RPS6KA2: variants seen among roughly 807,000 people sequenced by gnomAD.
RPS6KA2 encodes ribosomal protein S6 kinase A2.
A neutral mutation model predicts 91.8 loss-of-function variants in RPS6KA2; 42 were observed. That is an observed-to-expected ratio of 0.46 (90% confidence interval 0.36 to 0.59). The LOEUF is 0.59. Among genes scored for constraint, RPS6KA2 ranks in the 20% least tolerant of loss-of-function variants. The pLI is 0.00. For synonymous variants in RPS6KA2, 414 were observed against 393.6 expected (o/e 1.05, Z -0.61); for missense variants, 798 against 978.5 (o/e 0.82, Z 2.46).
At position 166,715,866 on chromosome 6, in the gene RPS6KA2, C is replaced by T. The variant is rs533421666; in HGVS notation, c.123+142334G>A. 2.6e-4 allele frequency among the ~76,000 whole-genome samples: 40 copies of T among 151,900 alleles called. 1 individual carries two copies. The highest frequency in any genetic ancestry group is 8.7e-4 in the African/African-American group (36 of 41,468). ...CAGCCCGGGCAACATGGTGAAACCCCGTCTCTACTAAAAATACAAAAATTA... is the reference window on the plus strand; with the variant it reads ...CAGCCCGGGCAACATGGTGAAACCCTGTCTCTACTAAAAATACAAAAATTA... On this transcript the variant is annotated intron_variant, in intron 2 of 21. Coordinates refer to the RPS6KA2 transcript ENST00000503859.
intron 11 of RPS6KA2, among the ~76,000 whole-genome samples, chr6:166,460,422 G>C (rs181544438): frequency 6.6e-6 from 1 of 152,232 alleles, no homozygotes; most frequent in African/African-American, 2.4e-5. Flanking sequence ...CCTCAGGCGG[G>C]TGATGCTGCA....
rs142410847 is a variant in RPS6KA2 at position 166,524,873 on chromosome 6, G to A, written c.298+6359C>T. On this transcript the variant is annotated intron_variant, in intron 3 of 20. Transcript: ENST00000265678. ...GAGCTGGACTCAGCTCCAGGGTCTG[G>A]ACTTGGTGTTCCTGGCCCCTGTATC... 1.8e-3 allele frequency among the ~76,000 whole-genome samples: 275 copies of A among 152,330 alleles called. 1 individual carries two copies. Among genetic ancestry groups the A allele is most frequent in the Middle Eastern group, 3.4e-3 (1 of 294 alleles).
At chr6:166,701,155 A>C in intron 2 of RPS6KA2, 2 of 1,612,042 alleles carry the variant, frequency 1.2e-6, no homozygotes, top group Non-Finnish European at 1.7e-6. Context: ...CTGCTGCTTT[A>C]CCTGAGTCAG....
intron 1 of RPS6KA2, among the ~76,000 whole-genome samples, chr6:166,598,089 A>T (rs751148379): frequency 6.6e-6 from 1 of 152,270 alleles, no homozygotes; most frequent in East Asian, 1.9e-4. Flanking sequence ...CCTGATGACC[A>T]TAATTGTTGC....
Position 166,413,832 on chromosome 6 carries a change from G to A in RPS6KA2, c.2038C>T (p.Pro680Ser). The A allele has an allele frequency of 6.2e-7, 1 of 1,614,196 alleles. No individual in the cohort carries two copies. The highest frequency in any genetic ancestry group is 8.5e-7 in the Non-Finnish European group (1 of 1,180,028). ...PWVVNREYLS[P>S]NQLSRQDVHL... ...ACGTCCTGTCGGCTGAGCTGGTTTG[G>A]GGACAGGTACTCTCTGTTGACCACC... Residue 680 changes from proline to serine, a missense_variant, in exon 20 of 21, where the codon CCA (proline) becomes TCA (serine). By Grantham distance (74) the Pro-to-Ser change is moderately conservative (BLOSUM62 -1). Transcript: ENST00000265678.
intron 1 of RPS6KA2, among the ~76,000 whole-genome samples, chr6:166,574,536 C>T (rs1784786272): frequency 6.6e-6 from 1 of 152,220 alleles, no homozygotes; most frequent in African/African-American, 2.4e-5. Context: ...ATATGTACCA[C>T]ATTTTCTTTG....
At chr6:166,629,010 G>T (rs2128544833), upstream of RPS6KA2, among the ~76,000 whole-genome samples, 1 of 152,330 alleles carries the variant, frequency 6.6e-6, no homozygotes, top group East Asian at 1.9e-4. Context: ...AGGTTCTGCT[G>T]GGAGGGTAGT....
chr6:166,437,063 A>G lies in RPS6KA2; in HGVS notation c.1333-4573T>C, dbSNP rs1220326538. ...TTTTTGCTTTTGTTTTTATTTTTGC[A>G]TGGAGGGTGAGCTATTTGAGCAAGG... On this transcript the variant is annotated intron_variant, in intron 14 of 20. Coordinates refer to ENST00000265678, the MANE Select transcript of RPS6KA2 (RefSeq NM_021135.6). This position sits in a 1 kb window ranked among gnomAD's most constrained non-coding sequence, Gnocchi z 4.3. Among the ~76,000 whole-genome samples, 4 of 150,456 alleles carry G rather than the reference A, an allele frequency of 2.7e-5. No individual in the cohort carries two copies. The highest frequency in any genetic ancestry group is 7.4e-5 in the African/African-American group (3 of 40,732).
intron 2 of RPS6KA2, among the ~76,000 whole-genome samples, chr6:166,642,529 T>G (rs1328242489): frequency 6.6e-6 from 1 of 152,256 alleles, no homozygotes; most frequent in East Asian, 1.9e-4. Context: ...TAAAACCTTC[T>G]AATGTTTTCA....
chr6:166,612,823 C>T lies in RPS6KA2; in HGVS notation c.99+14098G>A, dbSNP rs1279652278. On this transcript the variant is annotated intron_variant, in intron 1 of 20. Transcript: ENST00000265678. The surrounding 1 kb of genome is among the most constrained non-coding windows in gnomAD (Gnocchi z 4.3). ...AGCCTCTCTCTCTCCATGCCCTTGA[C>T]CTGTCCTCCTCCCTCTGGCCCTGCG... Among the ~76,000 whole-genome samples the T allele has an allele frequency of 6.6e-6, 1 of 152,186 alleles. No individual in the cohort carries two copies. Among genetic ancestry groups the T allele is most frequent in the African/African-American group, 2.4e-5 (1 of 41,446 alleles).
chr6:166,595,408 A>C (rs146752023), intron 1 of RPS6KA2, among the ~76,000 whole-genome samples: 3 of 152,222 alleles, frequency 2.0e-5, no homozygotes, highest in African/African-American at 7.2e-5. Context: ...ATGCTATTTC[A>C]TAATTCCCAA....
intron 1 of RPS6KA2, among the ~76,000 whole-genome samples, chr6:166,592,961 G>A (rs1416876693): frequency 6.6e-6 from 1 of 152,188 alleles, no homozygotes; most frequent in Non-Finnish European, 1.5e-5. Flanking sequence ...ATCAAGCTGA[G>A]ACAGTTCTCA....
chr6:166,686,780 C>G (rs564381748), intron 2 of RPS6KA2, among the ~76,000 whole-genome samples: 2 of 152,304 alleles, frequency 1.3e-5, no homozygotes, highest in South Asian at 4.1e-4. Context: ...GTTTCCTGCA[C>G]CAAGCCGAGA....
At chr6:166,581,194 G>A (rs1784997830) in intron 1 of RPS6KA2, among the ~76,000 whole-genome samples, 2 of 152,194 alleles carry the variant, frequency 1.3e-5, no homozygotes, top group African/African-American at 4.8e-5. Context: ...TCTGGCCAGG[G>A]CTGAGGAATT....
chr6:166,505,959 C>T (rs1281840699), intron 5 of RPS6KA2, among the ~76,000 whole-genome samples: 3 of 152,192 alleles, frequency 2.0e-5, no homozygotes, highest in African/African-American at 2.4e-5. Context: ...CCTGTCTTTC[C>T]ACTCCCCTAG....
chr6:166,418,041 T>C lies in RPS6KA2; in HGVS notation c.1938+184A>G, dbSNP rs533206494. 2.0e-5 allele frequency among the ~76,000 whole-genome samples: 3 copies of C among 152,050 alleles called. No homozygotes were observed. Among genetic ancestry groups the C allele is most frequent in the African/African-American group, 7.2e-5 (3 of 41,472 alleles). On this transcript the variant is annotated intron_variant, in intron 19 of 20. Coordinates refer to ENST00000265678, the MANE Select transcript of RPS6KA2 (RefSeq NM_021135.6). This position sits in a 1 kb window ranked among gnomAD's most constrained non-coding sequence, Gnocchi z 4.9. ...AGGCAGAGGCTGCAGTGAGCCAAGA[T>C]TGTGCCACTGCACTCCAGCCTGGGT...
intron 2 of RPS6KA2, chr6:166,701,977 T>C (rs923456629): frequency 3.9e-6 from 4 of 1,033,602 alleles, no homozygotes; most frequent in South Asian, 3.8e-5. Context: ...CAAAGTTATT[T>C]TGAGCTAAAA....
chr6:166,647,709 T>C (rs1787653295), intron 2 of RPS6KA2, among the ~76,000 whole-genome samples: 3 of 152,172 alleles, frequency 2.0e-5, no homozygotes, highest in South Asian at 4.1e-4. Context: ...TTTTAAGTTT[T>C]TCCAGGAGGC....
At chr6:166,599,996 AGTTTGTTTGTTT>A (rs111718759) in intron 1 of RPS6KA2, among the ~76,000 whole-genome samples, 7 of 151,772 alleles carry the variant, frequency 4.6e-5, no homozygotes, top group Admixed American at 6.6e-5. Flanking sequence ...GAGGGTGGTA[AGTTTGTTTGTTT>A]GTTTGTTTGT....
Sources: gnomAD v4.1 joint callset for allele counts (sites outside exome capture counted in the v4.1 genomes callset) on GRCh38, gnomAD v4.1.1 for gene constraint, Gnocchi (gnomAD v3.1) non-coding constraint, MANE v1.5 for transcripts, NCBI Gene and HGNC (gene_info 2026-07-23, HGNC 2026-07-21) for gene names.